The following DSTYK variants were observed in gnomAD, a reference collection of about 807,000 sequenced individuals.
The protein encoded by DSTYK is RIP-homologous kinase.
Under a neutral mutation model 98.7 loss-of-function variants are expected in DSTYK, and 34 were observed. The observed-to-expected ratio is 0.34, with a 90% CI of 0.26 to 0.46. The LOEUF (loss-of-function observed/expected upper bound fraction) is 0.46, where lower values mean the gene tolerates loss of function less well. Among genes scored for constraint, DSTYK ranks in the 20% least tolerant of loss-of-function variants. The probability of loss-of-function intolerance (pLI) is 1.00; values close to 1 mark genes in which losing one functional copy is unlikely to be tolerated. For synonymous variants in DSTYK, 462 were observed against 457.3 expected (o/e 1.01, Z -0.13); for missense variants, 962 against 1,181.7 (o/e 0.81, Z 2.73).
At chr1:205,158,054 A>G (rs1657613423) in intron 9 of DSTYK, among the ~76,000 whole-genome samples, 1 of 152,168 alleles carries the variant, frequency 6.6e-6, no homozygotes, top group South Asian at 2.1e-4. Context: ...TGGTTAGCCC[A>G]GGTTTGGTTT....
chr1:205,150,105 T>A lies in DSTYK; in HGVS notation c.2467+575A>T, dbSNP rs886322333. On this transcript the variant is annotated intron_variant, in intron 11 of 12. Coordinates refer to ENST00000367162, the MANE Select transcript of DSTYK (RefSeq NM_015375.3). This position sits in a 1 kb window ranked among gnomAD's most constrained non-coding sequence, Gnocchi z 4.1. ...ACAAAATATGTGAAAAACCTACCCA[T>A]ACTGCTTAGGTCAAGGTATATACTT... 6.6e-6 allele frequency among the ~76,000 whole-genome samples: 1 copy of A among 152,166 alleles called. No homozygotes were observed. The highest frequency in any genetic ancestry group is 2.4e-5 in the African/African-American group (1 of 41,438).
intron 2 of DSTYK, among the ~76,000 whole-genome samples, chr1:205,180,352 G>A (rs1352971915): frequency 1.3e-5 from 2 of 151,614 alleles, no homozygotes; most frequent in Non-Finnish European, 2.9e-5. Flanking sequence ...TTATGAGTGA[G>A]AACATGCAGT....
At chr1:205,181,075 A>C (rs1658384162) in intron 2 of DSTYK, among the ~76,000 whole-genome samples, 1 of 152,174 alleles carries the variant, frequency 6.6e-6, no homozygotes, top group Non-Finnish European at 1.5e-5. Context: ...TTTTTTTGCC[A>C]CATAAAATAA....
chr1:205,156,991 C>T (rs1657581681), intron 10 of DSTYK, among the ~76,000 whole-genome samples: 1 of 152,196 alleles, frequency 6.6e-6, no homozygotes, highest in South Asian at 2.1e-4. Flanking sequence ...TTCAGTACTT[C>T]TCCTTGCTGC....
intron 1 of DSTYK, among the ~76,000 whole-genome samples, chr1:205,207,755 CAAAAAAAAAAAAAAAAAAAAAAAAA>C (rs766036213): frequency 7.6e-5 from 4 of 52,728 alleles, no homozygotes; most frequent in African/African-American, 3.2e-4. Context: ...GACTCTGTCT[CAAAAAAAAAAAAAAAAAAAAAAAAA>C]AAAAAAAAAA....
intron 2 of DSTYK, among the ~76,000 whole-genome samples, chr1:205,179,765 C>G (rs1658342643): frequency 6.6e-6 from 1 of 151,964 alleles, no homozygotes; most frequent in African/African-American, 2.4e-5. Context: ...TTGGCTGAGA[C>G]ATCACAATAG....
At chr1:205,199,366 G>A (rs1429442293) in intron 1 of DSTYK, among the ~76,000 whole-genome samples, 1 of 152,200 alleles carries the variant, frequency 6.6e-6, no homozygotes, top group Admixed American at 6.5e-5. Context: ...GGATACTGAT[G>A]AGTCTCCATG....
At chr1:205,196,445 T>C (rs1158267780) in intron 1 of DSTYK, among the ~76,000 whole-genome samples, 2 of 152,008 alleles carry the variant, frequency 1.3e-5, no homozygotes, top group East Asian at 1.9e-4. Flanking sequence ...TAGTCCCAGA[T>C]ACTAGGGAGG....
chr1:205,167,088 G>A (rs1375721462), intron 3 of DSTYK, among the ~76,000 whole-genome samples: 1 of 152,186 alleles, frequency 6.6e-6, no homozygotes, highest in Non-Finnish European at 1.5e-5. Flanking sequence ...GACTGCAATT[G>A]TTATTAGCTA....
intron 3 of DSTYK, among the ~76,000 whole-genome samples, chr1:205,165,731 T>G (rs1204297947): frequency 6.6e-6 from 1 of 152,206 alleles, no homozygotes; most frequent in Non-Finnish European, 1.5e-5. Flanking sequence ...AGTCCCAAGG[T>G]GTATATGTAC....
Position 205,150,856 on chromosome 1 carries a change from A to G in DSTYK, c.2353-62T>C, listed in dbSNP as rs1045426404. 9 of 1,286,962 alleles carry G rather than the reference A, an allele frequency of 7.0e-6. No individual in the cohort carries two copies. Among genetic ancestry groups the G allele is most frequent in the Non-Finnish European group, 1.0e-5 (9 of 885,740 alleles). The allele number at this position is 1,286,962 out of a possible 1,614,324, so 79.7% of individuals were successfully genotyped here. Reference sequence around the variant, plus strand: ...GATCCTGCACACAGCACTGCTGCGTACCTAAGCTCAAAGGTAGGTACCTCA... The same window carrying G: ...GATCCTGCACACAGCACTGCTGCGTGCCTAAGCTCAAAGGTAGGTACCTCA... On this transcript the variant is annotated intron_variant, in intron 10 of 12. Transcript: ENST00000367162. The surrounding 1 kb of genome is among the most constrained non-coding windows in gnomAD (Gnocchi z 4.1).
chr1:205,147,595 G>C lies in DSTYK; in HGVS notation c.2753C>G (p.Ser918Cys), dbSNP rs1378866427. 1 of 1,613,476 alleles carries C rather than the reference G, an allele frequency of 6.2e-7. No individual in the cohort carries two copies. The highest frequency in any genetic ancestry group is 1.3e-5 in the African/African-American group (1 of 74,936). ...ATCTAGTCCTCTGTTTGGCTGCTCA[G>C]AATTGGACTTGCAGAGCCGATTCAT... ...GIMNRLCKSN[S>C]EQPNRGLDDS... Residue 918 changes from serine to cysteine, a missense_variant, in exon 13 of 13, where the codon TCT (serine) becomes TGT (cysteine). Around this residue, in one of 4 missense-constraint regions of DSTYK, gnomAD observed 65 missense variants for 63.9 expected, o/e 1.02. Transcript: ENST00000367162.
intron 1 of DSTYK, among the ~76,000 whole-genome samples, chr1:205,199,877 T>A (rs1267342241): frequency 6.6e-6 from 1 of 152,200 alleles, no homozygotes; most frequent in Non-Finnish European, 1.5e-5. Flanking sequence ...GGCTTCTCTG[T>A]AACTTCTAAG....
Position 205,187,819 on chromosome 1 carries a change from G to A in DSTYK, c.266-13C>T, listed in dbSNP as rs748677328. 6.3e-7 allele frequency: 1 copy of A among 1,597,492 alleles called. No homozygotes were observed. Among genetic ancestry groups the A allele is most frequent in the Non-Finnish European group, 8.5e-7 (1 of 1,171,024 alleles). ...CAGCTCAGTTGGCCTGGTTGGGGAAGGGGAGAGTGGAGGAAGAGAAAGGAG... is the reference window on the plus strand; with the variant it reads ...CAGCTCAGTTGGCCTGGTTGGGGAAAGGGAGAGTGGAGGAAGAGAAAGGAG... On this transcript the variant is annotated splice_polypyrimidine_tract_variant and intron_variant, in intron 1 of 12. Transcript: ENST00000367162.
chr1:205,148,137 T>C (rs1374323346), intron 12 of DSTYK, 68 bp downstream of exon 12: 3 of 1,596,060 alleles, frequency 1.9e-6, no homozygotes, highest in Non-Finnish European at 2.6e-6. Context: ...GGAGACCCGG[T>C]GACATTGCCT....
At chr1:205,201,535 G>A (rs550714928) in intron 1 of DSTYK, among the ~76,000 whole-genome samples, 1 of 151,728 alleles carries the variant, frequency 6.6e-6, no homozygotes, top group Non-Finnish European at 1.5e-5. Flanking sequence ...ATGTTCTATG[G>A]GGCCAAAAAA....
At chr1:205,161,490 G>A (rs1004527835) in intron 6 of DSTYK, 103 bp from the exon 7 acceptor site, 2 of 1,209,750 alleles carry the variant, frequency 1.7e-6, no homozygotes, top group Admixed American at 5.1e-5. Context: ...AGATAATTGT[G>A]AGAATTAAAC....
In DSTYK at chr1:205,177,256, G is replaced by A. The variant is rs112385380; in HGVS notation, c.655-7424C>T. Among the ~76,000 whole-genome samples, 1,311 of 152,144 alleles carry A rather than the reference G, an allele frequency of 8.6e-3. 22 individuals are homozygous for A. The highest frequency in any genetic ancestry group is 0.03 in the African/African-American group (1,254 of 41,510). On this transcript the variant is annotated intron_variant, in intron 2 of 12. Coordinates refer to ENST00000367162, the MANE Select transcript of DSTYK (RefSeq NM_015375.3). ...AAAAAGCCAGAAAACAGTTATGTAC[G>A]CAGGCTAAAGTTGGTAGGTAGCAGA...
intron 12 of DSTYK, 81 bp from the exon 13 acceptor site, chr1:205,147,826 C>T: frequency 6.9e-7 from 1 of 1,440,320 alleles, no homozygotes; most frequent in Non-Finnish European, 9.6e-7. Context: ...CAAAGGCTGA[C>T]TTCCCAGTGG....
Sources: allele counts gnomAD v4.1 joint callset (sites outside exome capture counted in the v4.1 genomes callset), GRCh38; gene constraint gnomAD v4.1.1; regional missense constraint gnomAD v4.1.1; non-coding constraint Gnocchi (gnomAD v3.1); transcripts MANE v1.5; gene names NCBI Gene and HGNC (gene_info 2026-07-23, HGNC 2026-07-21).